Variants in DPP10 observed in about 807,000 individuals in gnomAD.
DPP10 encodes the protein dipeptidyl peptidase like 10.
A neutral mutation model predicts 120.9 loss-of-function variants in DPP10; 33 were observed. That is an observed-to-expected ratio of 0.27 (90% CI 0.21 to 0.37). The LOEUF is 0.37. Among genes scored for constraint, DPP10 ranks in the 10% least tolerant of loss-of-function variants. The pLI, the probability that DPP10 is intolerant of heterozygous loss-of-function variation, is 1.00. For synonymous variants in DPP10, 337 were observed against 326.1 expected, an observed-to-expected ratio of 1.03 and a Z score of -0.36; for missense variants, 816 against 942.8, an observed-to-expected ratio of 0.87 and a Z score of 1.76.
At chr2:115,728,712 G>A (rs922021544) in intron 8 of DPP10, among the ~76,000 whole-genome samples, 1 of 152,020 alleles carries the variant, frequency 6.6e-6, no homozygotes, top group Non-Finnish European at 1.5e-5. Context: ...CTCTACCTCA[G>A]ATTTGACATT....
chr2:115,082,671 C>G (rs4848378), intron 1 of DPP10, among the ~76,000 whole-genome samples: 28,190 of 152,018 alleles, frequency 0.19, 3,000 homozygotes, highest in East Asian at 0.36. Flanking sequence ...AATTACTGGA[C>G]GATTTGAGTC....
rs2106418982 is a variant in DPP10 at position 114,834,734 on chromosome 2, C to CACACTTAT, written c.60+391896_60+391897insACACTTAT. 1.5e-5 allele frequency among the ~76,000 whole-genome samples: 2 copies of CACACTTAT among 137,304 alleles called. 1 individual carries two copies. The highest frequency in any genetic ancestry group is 5.2e-5 in the African/African-American group (2 of 38,650). 90.1% of individuals were successfully genotyped at this position (137,304 alleles called of 152,430 possible). A position where few individuals can be genotyped will look rare whatever the true frequency, so the allele number is the denominator to read the frequency against. On this transcript the variant is annotated intron_variant, in intron 1 of 25. Transcript: ENST00000410059. ...CCTATGTATATATAAGCCATGTCTA[C>CACACTTAT]GCACCTATGTATATATAAGCCATGT...
At chr2:114,925,396 C>G (rs1695546839) in intron 1 of DPP10, among the ~76,000 whole-genome samples, 2 of 152,088 alleles carry the variant, frequency 1.3e-5, no homozygotes. Context: ...TTCCCTCCTT[C>G]AGAAGGGGAG....
chr2:114,516,636 G>T (rs373127661), intron 1 of DPP10, among the ~76,000 whole-genome samples: 1 of 152,170 alleles, frequency 6.6e-6, no homozygotes, highest in Non-Finnish European at 1.5e-5. Context: ...AGGAGAAAAT[G>T]CCTCTCTTTT....
At chr2:115,672,959 G>T (rs547913477) in intron 5 of DPP10, among the ~76,000 whole-genome samples, 2 of 152,086 alleles carry the variant, frequency 1.3e-5, no homozygotes, top group East Asian at 3.9e-4. Context: ...ACGCTGGCCA[G>T]GCTGGTCTCA....
chr2:115,348,674 C>G (rs1185771112), intron 3 of DPP10, among the ~76,000 whole-genome samples: 1 of 151,958 alleles, frequency 6.6e-6, no homozygotes, highest in African/African-American at 2.4e-5. Flanking sequence ...CAAAATTTAT[C>G]TGATGGAGTA....
chr2:115,771,619 A>G (rs901474840), intron 13 of DPP10, among the ~76,000 whole-genome samples: 1 of 152,102 alleles, frequency 6.6e-6, no homozygotes, highest in African/African-American at 2.4e-5. Flanking sequence ...TACTGCCTAA[A>G]CAGTAATGCA....
intron 1 of DPP10, among the ~76,000 whole-genome samples, chr2:115,166,661 G>A (rs972868866): frequency 6.8e-5 from 10 of 147,468 alleles, no homozygotes; most frequent in Non-Finnish European, 1.2e-4. Flanking sequence ...CTATATATCT[G>A]TTTGATTATT....
chr2:114,851,626 G>A (rs1688950264), intron 1 of DPP10, among the ~76,000 whole-genome samples: 1 of 152,112 alleles, frequency 6.6e-6, no homozygotes, highest in Non-Finnish European at 1.5e-5. Context: ...AAGCATTCTA[G>A]TATAAATTTC....
chr2:115,062,158 G>GTGTGTGTGTC (rs1553480267), intron 1 of DPP10, among the ~76,000 whole-genome samples: 5 of 136,534 alleles, frequency 3.7e-5, no homozygotes, highest in Non-Finnish European at 6.4e-5. Flanking sequence ...GTGTGTGTGT[G>GTGTGTGTGTC]TGTGTGTGTG....
chr2:115,797,127 T>C (rs1304318729), intron 19 of DPP10, among the ~76,000 whole-genome samples: 1 of 152,114 alleles, frequency 6.6e-6, no homozygotes, highest in Admixed American at 6.6e-5. Flanking sequence ...TTTCCACATG[T>C]ACTATGTTAA....
intron 5 of DPP10, among the ~76,000 whole-genome samples, chr2:115,656,492 A>G (rs147277201): frequency 6.6e-6 from 1 of 151,700 alleles, no homozygotes; most frequent in African/African-American, 2.4e-5. Flanking sequence ...TTTTAACTTT[A>G]TATAAAAAAG....
At chr2:115,512,956 CCA>C (rs761442418) in intron 4 of DPP10, among the ~76,000 whole-genome samples, 3 of 151,972 alleles carry the variant, frequency 2.0e-5, no homozygotes, top group Non-Finnish European at 4.4e-5. Context: ...CTGGTTCTAT[CCA>C]TTGCTGAAAT....
At chr2:115,668,127 T>G (rs1374102908) in intron 5 of DPP10, among the ~76,000 whole-genome samples, 2 of 152,152 alleles carry the variant, frequency 1.3e-5, no homozygotes, top group Non-Finnish European at 2.9e-5. Flanking sequence ...TTAAATTGTT[T>G]ATATACTTTA....
chr2:115,025,914 G>C (rs114438723), intron 1 of DPP10, among the ~76,000 whole-genome samples: 3,447 of 152,064 alleles, frequency 0.023, 129 homozygotes, highest in African/African-American at 0.08. Flanking sequence ...GTGTGTTCTG[G>C]TTATTCATCC....
chr2:114,771,204 G>A lies in DPP10; in HGVS notation c.60+328366G>A, dbSNP rs139214064. ...CATTTTATGTGTTAACTGAGAAGAA[G>A]CTGACAACTTGCTACATTCTGAAAT... On this transcript the variant is annotated intron_variant, in intron 1 of 25. Transcript: ENST00000410059. 5.1e-3 allele frequency among the ~76,000 whole-genome samples: 783 copies of A among 152,322 alleles called. 5 individuals carry two copies. The highest frequency in any genetic ancestry group is 0.018 in the African/African-American group (746 of 41,576).
chr2:114,754,997 T>C lies in DPP10; in HGVS notation c.60+312159T>C, dbSNP rs558005845. On this transcript the variant is annotated intron_variant, in intron 1 of 25. Transcript: ENST00000410059. ...AATCACACGTTATTTTGCAATAAAA[T>C]AAAGATTATGAAGACAGAACAACTT... Among the ~76,000 whole-genome samples the C allele has an allele frequency of 7.9e-5, 12 of 152,308 alleles. No individual in the cohort carries two copies. The South Asian group carries it at 2.5e-3, about 32-fold the overall frequency.
chr2:115,307,794 A>G (rs891320265), intron 1 of DPP10, among the ~76,000 whole-genome samples: 2 of 152,148 alleles, frequency 1.3e-5, no homozygotes, highest in South Asian at 4.1e-4. Context: ...CAAGGCAACT[A>G]TTGACTGTCT....
chr2:115,339,611 G>GA (rs1326902815), intron 2 of DPP10, among the ~76,000 whole-genome samples: 4 of 151,858 alleles, frequency 2.6e-5, no homozygotes, highest in African/African-American at 9.7e-5. Flanking sequence ...CAATACCCTG[G>GA]AATATTACTC....
Sources: gnomAD v4.1 joint callset for allele counts (sites outside exome capture counted in the v4.1 genomes callset) on GRCh38, gnomAD v4.1.1 for gene constraint, MANE v1.5 for transcripts, NCBI Gene and HGNC (gene_info 2026-07-23, HGNC 2026-07-21) for gene names.